ZBTB34: variants seen among roughly 807,000 people sequenced by gnomAD.
ZBTB34 encodes the protein zinc finger and BTB domain-containing protein 34.
A neutral mutation model predicts 33.4 loss-of-function variants in ZBTB34; 1 was observed. The ratio of observed to expected loss-of-function variants is 0.03; its 90% CI spans 0.01 to 0.14. The LOEUF (loss-of-function observed/expected upper bound fraction) is 0.14, where lower values mean the gene tolerates loss of function less well. ZBTB34 is among the 10% of genes least tolerant of loss of function. ZBTB34 has a pLI of 1.00. For missense variants in ZBTB34, 406 were observed against 657.2 expected (o/e 0.62, Z 4.18); for synonymous variants, 283 against 253.5 (o/e 1.12, Z -1.11).
At chr9:126,863,068 C>T (rs1180050041) in intron 1 of ZBTB34, among the ~76,000 whole-genome samples, 1 of 152,094 alleles carries the variant, frequency 6.6e-6, no homozygotes, top group Non-Finnish European at 1.5e-5. Flanking sequence ...AAACGTTTCC[C>T]TCTGATCATG....
chr9:126,866,549 TC>T (rs1379707505), intron 1 of ZBTB34, among the ~76,000 whole-genome samples: 1 of 152,176 alleles, frequency 6.6e-6, no homozygotes, highest in East Asian at 1.9e-4. Flanking sequence ...AAGGCCTTGT[TC>T]AAAAATATCT....
chr9:126,882,667 C>T (rs536742783), exon 2 of ZBTB34: 3 of 166,958 alleles, frequency 1.8e-5, no homozygotes, highest in South Asian at 2.1e-4. Flanking sequence ...ACAGTGCAGC[C>T]ACCTAAAAGA....
At chr9:126,882,145 T>TC in exon 2 of ZBTB34, 1 of 165,038 alleles carries the variant, frequency 6.1e-6, no homozygotes. Flanking sequence ...CCTCAGTGGC[T>TC]CCCCCACTCT....
At chr9:126,868,326 G>A (rs928329644) in intron 1 of ZBTB34, among the ~76,000 whole-genome samples, 3 of 152,096 alleles carry the variant, frequency 2.0e-5, no homozygotes, top group African/African-American at 4.8e-5. Flanking sequence ...ATATGGTCTC[G>A]CATCAGACCT....
intron 1 of ZBTB34, among the ~76,000 whole-genome samples, chr9:126,865,055 A>G (rs1778419146): frequency 1.3e-5 from 2 of 152,188 alleles, no homozygotes. Flanking sequence ...GCCTTAAACA[A>G]CTTCCAAATT....
chr9:126,880,737 C>G lies in ZBTB34; in HGVS notation c.1338C>G (p.Thr446=). 6.2e-7 allele frequency: 1 copy of G among 1,613,708 alleles called. No homozygotes were observed. Among genetic ancestry groups the G allele is most frequent in the South Asian group, 1.1e-5 (1 of 91,062 alleles). The change falls in exon 2 of 2, where the codon ACC becomes ACG. Residue 446 remains threonine, a synonymous_variant. Coordinates refer to ENST00000319119, the Ensembl canonical transcript of ZBTB34. This position sits in a 1 kb window ranked among gnomAD's most constrained non-coding sequence, Gnocchi z 6.7. ...GGAAGTGCTTTCCATTCCAAGGTAC[C>G]CTCAACCAGCACTTGCGGAAAAACC...
intron 1 of ZBTB34, among the ~76,000 whole-genome samples, chr9:126,875,887 A>G (rs769426036): frequency 1.1e-4 from 16 of 152,022 alleles, no homozygotes; most frequent in Non-Finnish European, 1.9e-4. Flanking sequence ...TGACTGCACT[A>G]AAGTTTTACC....
intron 1 of ZBTB34, among the ~76,000 whole-genome samples, chr9:126,872,906 C>G (rs904386172): frequency 1.3e-5 from 2 of 152,114 alleles, no homozygotes; most frequent in Non-Finnish European, 2.9e-5. Flanking sequence ...TCATGGCGTT[C>G]CGTTTTTCTC....
chr9:126,861,178 G>A (rs1048822725), intron 1 of ZBTB34, among the ~76,000 whole-genome samples: 10 of 152,194 alleles, frequency 6.6e-5, no homozygotes, highest in Non-Finnish European at 1.3e-4. Context: ...CCGGGCCAGG[G>A]GTCGGCCCTT....
intron 1 of ZBTB34, among the ~76,000 whole-genome samples, chr9:126,868,914 G>A (rs1417838625): frequency 6.6e-6 from 1 of 152,294 alleles, no homozygotes; most frequent in Admixed American, 6.5e-5. Context: ...GGGCTCTGAG[G>A]AGGAAAGGGG....
intron 1 of ZBTB34, among the ~76,000 whole-genome samples, chr9:126,863,238 G>A (rs1321000396): frequency 6.6e-6 from 1 of 152,162 alleles, no homozygotes; most frequent in Non-Finnish European, 1.5e-5. Context: ...TTTCTTATTT[G>A]CAGTGTGGAG....
Position 126,879,303 on chromosome 9 carries a change from T to G in ZBTB34, c.-10-87T>G. On this transcript the variant is annotated intron_variant, in intron 1 of 1. Transcript: ENST00000319119. The surrounding 1 kb of genome is among the most constrained non-coding windows in gnomAD (Gnocchi z 6.4). Reference sequence around the variant, plus strand: ...ATTTTAGGAGGTATGATAGCCACAATGGTATTGTTGTTGTAAGCTTGTGTT... The same window carrying G: ...ATTTTAGGAGGTATGATAGCCACAAGGGTATTGTTGTTGTAAGCTTGTGTT... 9.4e-7 allele frequency: 1 copy of G among 1,065,698 alleles called. No homozygotes were observed. Among genetic ancestry groups the G allele is most frequent in the Non-Finnish European group, 1.4e-6 (1 of 731,996 alleles). 66.0% of individuals were successfully genotyped at this position (1,065,698 alleles called of 1,614,324 possible).
chr9:126,864,063 C>A (rs1040224005), intron 1 of ZBTB34, among the ~76,000 whole-genome samples: 3 of 152,202 alleles, frequency 2.0e-5, no homozygotes, highest in African/African-American at 7.2e-5. Context: ...AATGAGAATT[C>A]TCTTTCTACT....
rs757071229 is a variant in ZBTB34 at position 126,879,838 on chromosome 9, G to A, written c.439G>A (p.Glu147Lys). ...TGACTCTGTTACCGTCGGTGCTGAA[G>A]AGAATCCCGAGAGTCGAAACGGAGT... is the stretch of plus-strand genomic sequence containing the variant. The change falls in exon 2 of 2, where the codon GAG (glutamate) becomes AAG (lysine). Residue 147 changes from glutamate (E) to lysine (K), a missense_variant. Coordinates refer to ENST00000319119, the Ensembl canonical transcript of ZBTB34. The surrounding 1 kb of genome is among the most constrained non-coding windows in gnomAD (Gnocchi z 6.4). 1.9e-5 allele frequency: 30 copies of A among 1,613,048 alleles called. No homozygotes were observed. The highest frequency in any genetic ancestry group is 5.0e-5 in the Admixed American group (3 of 59,990).
intron 1 of ZBTB34, among the ~76,000 whole-genome samples, chr9:126,869,550 G>A (rs536935706): frequency 6.6e-6 from 1 of 152,230 alleles, no homozygotes; most frequent in African/African-American, 2.4e-5. Context: ...TGGCAGCAGG[G>A]GCAGTCATCC....
Position 126,880,787 on chromosome 9 carries a change from G to A in ZBTB34, c.1388G>A (p.Ser463Asn), listed in dbSNP as rs1307611036. The change falls in exon 2 of 2, where the codon AGT (serine) becomes AAT (asparagine). Residue 463 changes from serine (S) to asparagine (N), a missense_variant. Ser to Asn is a conservative substitution (Grantham distance 46, BLOSUM62 1). Transcript: ENST00000319119. This position sits in a 1 kb window ranked among gnomAD's most constrained non-coding sequence, Gnocchi z 6.7. ...CACCCAGGCGTTGCTGAAGTCAGGA[G>A]TCGCATTGAGTCCCCCGAGAGAACA... 1 of 1,613,754 alleles carries A rather than the reference G, an allele frequency of 6.2e-7. No homozygotes were observed. The highest frequency in any genetic ancestry group is 1.1e-5 in the South Asian group (1 of 91,066).
chr9:126,879,355 C>A lies in ZBTB34; in HGVS notation c.-10-35C>A. Reference sequence around the variant, plus strand: ...ATGCCACTTGTACTTAGTGAGGAGTCATTGGTGAATGATGCAAACTCTCTC... The same window carrying A: ...ATGCCACTTGTACTTAGTGAGGAGTAATTGGTGAATGATGCAAACTCTCTC... On this transcript the variant is annotated intron_variant, in intron 1 of 1. Transcript: ENST00000319119. The surrounding 1 kb of genome is among the most constrained non-coding windows in gnomAD (Gnocchi z 6.4). 6.5e-7 allele frequency: 1 copy of A among 1,538,396 alleles called. No individual in the cohort carries two copies. Among genetic ancestry groups the A allele is most frequent in the South Asian group, 1.2e-5 (1 of 80,736 alleles).
Position 126,880,680 on chromosome 9 carries a change from A to T in ZBTB34, c.1281A>T (p.Thr427=). ...TGGAGTACCACATCCGGGGCCATAC[A>T]GATGATAAACCATTCCGCTGTGAGA... Residue 427 remains threonine (T), a synonymous_variant, in exon 2 of 2, where the codon ACA becomes ACT. Coordinates refer to ENST00000319119, the Ensembl canonical transcript of ZBTB34. The surrounding 1 kb of genome is among the most constrained non-coding windows in gnomAD (Gnocchi z 6.7). 2 of 1,613,878 alleles carry T rather than the reference A, an allele frequency of 1.2e-6. No individual in the cohort carries two copies. Among genetic ancestry groups the T allele is most frequent in the Non-Finnish European group, 1.7e-6 (2 of 1,179,910 alleles).
Position 126,880,207 on chromosome 9 carries a change from C to A in ZBTB34, c.808C>A (p.Gln270Lys). ...CCACACCGAGATGGTTGATGGGGAA[C>A]AAGTTGTGGCAGTGAATGTGGGCTC... Residue 270 changes from glutamine (Q) to lysine (K), a missense_variant, in exon 2 of 2, where the codon CAA becomes AAA. Physicochemically the swap from Gln to Lys is moderately conservative, Grantham distance 53. Around this residue, in one of 6 missense-constraint regions of ZBTB34, gnomAD observed 123 missense variants for 140.4 expected, o/e 0.88. Transcript: ENST00000319119. The surrounding 1 kb of genome is among the most constrained non-coding windows in gnomAD (Gnocchi z 6.7). 1 of 1,613,850 alleles carries A rather than the reference C, an allele frequency of 6.2e-7. No individual in the cohort carries two copies. The highest frequency in any genetic ancestry group is 1.1e-5 in the South Asian group (1 of 91,076).
Sources: gnomAD v4.1 joint callset for allele counts (sites outside exome capture counted in the v4.1 genomes callset) on GRCh38, gnomAD v4.1.1 for gene constraint, gnomAD v4.1.1 regional missense constraint, Gnocchi (gnomAD v3.1) non-coding constraint, MANE v1.5 for transcripts, NCBI Gene and HGNC (gene_info 2026-07-23, HGNC 2026-07-21) for gene names.